SPECC1: variants seen among roughly 807,000 people sequenced by gnomAD.
The protein encoded by SPECC1 is cytospin-B.
SPECC1 carries 62 observed loss-of-function variants against 104.1 expected under a neutral mutation model. The ratio of observed to expected loss-of-function variants is 0.60; its 90% CI spans 0.49 to 0.74. The LOEUF (loss-of-function observed/expected upper bound fraction) is 0.74, where lower values mean the gene tolerates loss of function less well. Among genes scored for constraint, SPECC1 ranks in the 30% least tolerant of loss-of-function variants. The pLI is 0.00. For synonymous variants in SPECC1, 513 were observed against 501.6 expected, an observed-to-expected ratio of 1.02 and a Z score of -0.30; for missense variants, 1,306 against 1,310.5, an observed-to-expected ratio of 1.00 and a Z score of 0.05.
intron 1 of SPECC1, among the ~76,000 whole-genome samples, chr17:20,059,574 C>G (rs1045897964): frequency 6.6e-6 from 1 of 151,732 alleles, no homozygotes; most frequent in Non-Finnish European, 1.5e-5. Flanking sequence ...TTCTTCTACT[C>G]TATGTAGCAA....
At chr17:20,239,234 C>A in intron 7 of SPECC1, 1 of 1,015,918 alleles carries the variant, frequency 9.8e-7, no homozygotes, top group Non-Finnish European at 1.2e-6. Flanking sequence ...TGGATTTTTT[C>A]TTAATTATGA....
chr17:20,311,373 A>T (rs1475440042), intron 14 of SPECC1, among the ~76,000 whole-genome samples: 13 of 146,294 alleles, frequency 8.9e-5, no homozygotes, highest in African/African-American at 3.3e-4. Flanking sequence ...CTTCCAGTAC[A>T]TTTTTTTTTT....
chr17:20,063,774 A>G (rs1427750741), intron 1 of SPECC1, among the ~76,000 whole-genome samples: 1 of 152,248 alleles, frequency 6.6e-6, no homozygotes, highest in Non-Finnish European at 1.5e-5. Flanking sequence ...AGCTTTGTTA[A>G]TAAGGCTGAA....
At chr17:20,052,750 G>A (rs898877766) in intron 1 of SPECC1, among the ~76,000 whole-genome samples, 10 of 152,234 alleles carry the variant, frequency 6.6e-5, no homozygotes, top group Non-Finnish European at 1.2e-4. Flanking sequence ...TGGGAACAGG[G>A]TAGCAGATAT....
intron 3 of SPECC1, among the ~76,000 whole-genome samples, chr17:20,190,542 A>G (rs571844988): frequency 1.3e-5 from 2 of 152,270 alleles, no homozygotes; most frequent in East Asian, 3.9e-4. Flanking sequence ...GAAAAGTACA[A>G]GTTTTCCTAT....
chr17:20,021,340 T>C (rs909099184), intron 1 of SPECC1, among the ~76,000 whole-genome samples: 31 of 152,112 alleles, frequency 2.0e-4, no homozygotes, highest in African/African-American at 7.0e-4. Flanking sequence ...TTCTAGCCTT[T>C]ATTCTGTATC....
At chr17:20,015,274 A>C (rs1192809026) in intron 1 of SPECC1, among the ~76,000 whole-genome samples, 1 of 151,490 alleles carries the variant, frequency 6.6e-6, no homozygotes, top group Non-Finnish European at 1.5e-5. Context: ...TTTTTCTCTC[A>C]AATATTCTGT....
chr17:20,312,592 G>C (rs11871827), intron 14 of SPECC1, among the ~76,000 whole-genome samples: 107,802 of 152,148 alleles, frequency 0.71, 39,987 homozygotes, highest in East Asian at 0.99. Flanking sequence ...TTCTTCATCA[G>C]TTCCTTTCTG....
chr17:20,190,876 TC>T (rs1241253916), intron 3 of SPECC1, among the ~76,000 whole-genome samples: 1 of 152,004 alleles, frequency 6.6e-6, no homozygotes, highest in Non-Finnish European at 1.5e-5. Flanking sequence ...TATTCATTCC[TC>T]CCTCCCCCCA....
chr17:20,255,637 C>G (rs977177355), intron 10 of SPECC1, among the ~76,000 whole-genome samples: 1 of 152,098 alleles, frequency 6.6e-6, no homozygotes, highest in Non-Finnish European at 1.5e-5. Flanking sequence ...ATTATCATAG[C>G]TCACTACAGC....
intron 9 of SPECC1, among the ~76,000 whole-genome samples, chr17:20,249,215 C>T (rs945740655): frequency 6.6e-6 from 1 of 152,038 alleles, no homozygotes; most frequent in Non-Finnish European, 1.5e-5. Context: ...GTCAGGAGTT[C>T]GAGACCAGGG....
chr17:20,092,649 C>CAGAG (rs1351482682), intron 1 of SPECC1, among the ~76,000 whole-genome samples: 1 of 152,196 alleles, frequency 6.6e-6, no homozygotes, highest in African/African-American at 2.4e-5. Context: ...AGTCAGAAGG[C>CAGAG]AGAGCAGCGC....
chr17:20,311,040 A>G (rs1272961366), intron 14 of SPECC1, among the ~76,000 whole-genome samples: 1 of 151,796 alleles, frequency 6.6e-6, no homozygotes, highest in African/African-American at 2.4e-5. Context: ...CATGCCGTCA[A>G]CCACCCTGAC....
chr17:20,303,672 G>A (rs1193631949), intron 13 of SPECC1, among the ~76,000 whole-genome samples: 1 of 152,170 alleles, frequency 6.6e-6, no homozygotes, highest in Non-Finnish European at 1.5e-5. Flanking sequence ...AAGAAATTTG[G>A]ACAGGTGCTG....
At chr17:20,176,494 G>A (rs1332205838) in intron 3 of SPECC1, among the ~76,000 whole-genome samples, 1 of 152,130 alleles carries the variant, frequency 6.6e-6, no homozygotes, top group Non-Finnish European at 1.5e-5. Context: ...TCCTGTTGCT[G>A]CTATAACAAA....
chr17:20,092,627 T>A (rs1052057255), intron 1 of SPECC1, among the ~76,000 whole-genome samples: 1 of 152,232 alleles, frequency 6.6e-6, no homozygotes, highest in Non-Finnish European at 1.5e-5. Flanking sequence ...GACCCATCAC[T>A]GTGTGCTGCT....
In SPECC1 at chr17:20,114,831, G is replaced by C. The variant is rs577209822; in HGVS notation, c.283+4269G>C. Reference sequence around the variant, plus strand: ...GTGGGAGAAGATCAGACCTTTACAAGTGAAGGAAAGCAACTTCAGAAATGA... The same window carrying C: ...GTGGGAGAAGATCAGACCTTTACAACTGAAGGAAAGCAACTTCAGAAATGA... On this transcript the variant is annotated intron_variant, in intron 3 of 14. Coordinates refer to ENST00000395527, the MANE Select transcript of SPECC1 (RefSeq NM_001243439.2). Among the ~76,000 whole-genome samples the C allele has an allele frequency of 2.6e-5, 4 of 152,324 alleles. No individual in the cohort carries two copies. In the South Asian group the frequency reaches 8.3e-4, roughly 32 times the overall value.
At position 20,237,321 on chromosome 17, in the gene SPECC1, T is replaced by G. The variant is rs1348548778; in HGVS notation, c.2351+4916T>G. The G allele has an allele frequency of 9.1e-3, 9,920 of 1,086,866 alleles. 117 individuals are homozygous for G. Among genetic ancestry groups the G allele is most frequent in the African/African-American group, 0.032 (1,933 of 60,980 alleles). The allele number at this position is 1,086,866 out of a possible 1,614,324, so 67.3% of individuals were successfully genotyped here. On this transcript the variant is annotated intron_variant, in intron 7 of 14. Transcript: ENST00000395527. ...GTTGTTGTTGTTTTGTTTTGTTTTT[T>G]TTTTTTTTTTGAGACAGAGTTTCAC... is the stretch of plus-strand genomic sequence containing the variant.
intron 2 of SPECC1, among the ~76,000 whole-genome samples, chr17:20,109,774 A>G (rs1208213751): frequency 6.6e-6 from 1 of 151,756 alleles, no homozygotes; most frequent in Non-Finnish European, 1.5e-5. Flanking sequence ...GCATTGCCCT[A>G]CCCTGCCTTT....
Sources: gnomAD v4.1 joint callset for allele counts (sites outside exome capture counted in the v4.1 genomes callset) on GRCh38, gnomAD v4.1.1 for gene constraint, MANE v1.5 for transcripts, NCBI Gene and HGNC (gene_info 2026-07-23, HGNC 2026-07-21) for gene names.